The following DHRSX variants were observed in gnomAD, a reference collection of about 807,000 sequenced individuals.
DHRSX encodes the protein polyprenol dehydrogenase.
In DHRSX, 31 loss-of-function variants were observed where a neutral mutation model predicts 34.0. The ratio of observed to expected loss-of-function variants is 0.91; its 90% CI spans 0.69 to 1.23. The LOEUF (loss-of-function observed/expected upper bound fraction) is 1.23. Among genes scored for constraint, DHRSX ranks in the 50% most tolerant of loss-of-function variants. DHRSX has a pLI of 0.00. For synonymous variants in DHRSX, 201 were observed against 183.8 expected (o/e 1.09, Z -0.76); for missense variants, 414 against 428.1 (o/e 0.97, Z 0.29).
chrX:2,315,092 A>T (rs1229838676), intron 3 of DHRSX, among the ~76,000 whole-genome samples: 1 of 151,380 alleles, frequency 6.6e-6, no homozygotes, highest in Non-Finnish European at 1.5e-5. Context: ...CGGGAGGTGG[A>T]GGTTGCGGTG....
intron 3 of DHRSX, among the ~76,000 whole-genome samples, chrX:2,377,061 G>A (rs1178102457): frequency 1.3e-4 from 19 of 151,486 alleles, no homozygotes; most frequent in Admixed American, 1.1e-3. Flanking sequence ...GACAAAGGCA[G>A]ATACTGTATT....
At position 2,388,708 on chromosome X, in the gene DHRSX, A is replaced by T. The variant is rs764940727; in HGVS notation, c.286+20037T>A. ...CAGACAGAGGAAGGACTCTGTGAGG[A>T]CACAGGGAGAAGACAGCATCTCCAA... On this transcript the variant is annotated intron_variant, in intron 3 of 6. Transcript: ENST00000334651. Among the ~76,000 whole-genome samples, 9 of 152,064 alleles carry T rather than the reference A, an allele frequency of 5.9e-5. No homozygotes were observed. The East Asian group carries it at 1.7e-3, about 29-fold the overall frequency.
chrX:2,464,906 G>A (rs1472052949), intron 1 of DHRSX, among the ~76,000 whole-genome samples: 1 of 151,042 alleles, frequency 6.6e-6, no homozygotes, highest in East Asian at 2.0e-4. Context: ...TGTGCACAAT[G>A]AAGATGTTCC....
chrX:2,323,403 C>T (rs771782339), intron 3 of DHRSX, among the ~76,000 whole-genome samples: 13 of 152,200 alleles, frequency 8.5e-5, no homozygotes, highest in African/African-American at 3.1e-4. Flanking sequence ...AGTACTCCAA[C>T]TACAGGAGTG....
intron 1 of DHRSX, among the ~76,000 whole-genome samples, chrX:2,481,395 G>A (rs183237271): frequency 1.3e-5 from 2 of 152,158 alleles, no homozygotes; most frequent in East Asian, 3.9e-4. Flanking sequence ...GCTGGTCGCG[G>A]TGGCTCACGC....
chrX:2,272,051 A>C (rs1036526426), intron 4 of DHRSX, among the ~76,000 whole-genome samples: 5 of 151,916 alleles, frequency 3.3e-5, no homozygotes, highest in Non-Finnish European at 7.4e-5. Context: ...ACAAAAAAAC[A>C]TACCTGCACC....
intron 1 of DHRSX, among the ~76,000 whole-genome samples, chrX:2,492,747 G>A (rs2045186278): frequency 6.6e-6 from 1 of 152,208 alleles, no homozygotes; most frequent in Admixed American, 6.5e-5. Context: ...GCTGGGAGAG[G>A]CAGGAAGCAC....
chrX:2,267,508 G>A (rs1225770557), intron 4 of DHRSX, among the ~76,000 whole-genome samples: 1 of 148,582 alleles, frequency 6.7e-6, no homozygotes, highest in Non-Finnish European at 1.5e-5. Context: ...TCATGCCACT[G>A]CACTCCAGCC....
At chrX:2,409,772 C>T (rs1449890073) in intron 2 of DHRSX, among the ~76,000 whole-genome samples, 1 of 151,912 alleles carries the variant, frequency 6.6e-6, no homozygotes, top group Non-Finnish European at 1.5e-5. Context: ...CTCTGTTGCC[C>T]AGGCTGGAGT....
At chrX:2,221,651 G>T (rs1199469643) in intron 6 of DHRSX, among the ~76,000 whole-genome samples, 1 of 152,128 alleles carries the variant, frequency 6.6e-6, no homozygotes, top group Non-Finnish European at 1.5e-5. Context: ...AAAGATTCTT[G>T]TTTTCAATTC....
At chrX:2,407,000 G>C (rs1310946164) in intron 3 of DHRSX, among the ~76,000 whole-genome samples, 1 of 152,102 alleles carries the variant, frequency 6.6e-6, no homozygotes, top group Non-Finnish European at 1.5e-5. Flanking sequence ...CAGGAGCCAA[G>C]ATATGGAAAC....
At chrX:2,406,085 A>G (rs1569497741) in intron 3 of DHRSX, among the ~76,000 whole-genome samples, 1 of 152,122 alleles carries the variant, frequency 6.6e-6, no homozygotes, top group Non-Finnish European at 1.5e-5. Flanking sequence ...CGAGGTCAGG[A>G]GTTCGAGACC....
Position 2,306,809 on chromosome X carries a change from A to G in DHRSX, c.287-15206T>C, listed in dbSNP as rs184607902. 1.3e-4 allele frequency among the ~76,000 whole-genome samples: 20 copies of G among 152,220 alleles called. No homozygotes were observed. The East Asian group carries it at 2.9e-3, about 22-fold the overall frequency. On this transcript the variant is annotated intron_variant, in intron 3 of 6. Transcript: ENST00000334651. Reference sequence around the variant, plus strand: ...ATCAAGATGATACAGGTTTTGTAGAATAAGTTAGGGAGGAATCCCTCCGCC... The same window carrying G: ...ATCAAGATGATACAGGTTTTGTAGAGTAAGTTAGGGAGGAATCCCTCCGCC...
At chrX:2,465,809 C>CAAAAAAAAAAAAAAAAAAAAAAAAAA (rs375728172) in intron 1 of DHRSX, among the ~76,000 whole-genome samples, 1 of 84,736 alleles carries the variant, frequency 1.2e-5, no homozygotes, top group African/African-American at 4.5e-5. Flanking sequence ...AACTCCATCG[C>CAAAAAAAAAAAAAAAAAAAAAAAAAA]AAAAAAAAAA....
At chrX:2,363,641 C>T (rs1326789020) in intron 3 of DHRSX, among the ~76,000 whole-genome samples, 18 of 112,124 alleles carry the variant, frequency 1.6e-4, no homozygotes, top group East Asian at 5.9e-4. Flanking sequence ...GGTATCATGC[C>T]GCCATTTTAT....
At chrX:2,242,577 A>C (rs773990748) in intron 6 of DHRSX, among the ~76,000 whole-genome samples, 2 of 152,028 alleles carry the variant, frequency 1.3e-5, no homozygotes, top group East Asian at 3.9e-4. Flanking sequence ...GGTCATAAAA[A>C]CCTTGCTGAT....
intron 1 of DHRSX, among the ~76,000 whole-genome samples, chrX:2,482,036 T>C (rs1715398): frequency 0.44 from 64,874 of 148,412 alleles, 14,749 homozygotes; most frequent in African/African-American, 0.53. Context: ...ATGATCGTAG[T>C]TTATGGCAGC....
chrX:2,485,107 C>G (rs1462762775), intron 1 of DHRSX, among the ~76,000 whole-genome samples: 1 of 152,114 alleles, frequency 6.6e-6, no homozygotes, highest in East Asian at 1.9e-4. Flanking sequence ...CAGATGCAAG[C>G]GTGAAAACAA....
rs192675786 is a variant in DHRSX, at chrX:2,297,022, G to C, written c.287-5419C>G. 6.3e-3 allele frequency among the ~76,000 whole-genome samples: 956 copies of C among 150,836 alleles called. 27 individuals are homozygous for C. In the East Asian group the frequency reaches 0.065, roughly 10 times the overall value. ...GATAGGAATAGGACCCAGGCAGATA[G>C]ACCCAGGCAGATAGGAATAGGACCC... is the stretch of plus-strand genomic sequence containing the variant. On this transcript the variant is annotated intron_variant, in intron 3 of 6. Coordinates refer to ENST00000334651, the MANE Select transcript of DHRSX (RefSeq NM_145177.3).
Sources: allele counts gnomAD v4.1 joint callset (sites outside exome capture counted in the v4.1 genomes callset), GRCh38; gene constraint gnomAD v4.1.1; transcripts MANE v1.5; gene names NCBI Gene and HGNC (gene_info 2026-07-23, HGNC 2026-07-21).